Variants in FAM20A observed in about 807,000 individuals in gnomAD.
FAM20A encodes pseudokinase FAM20A.
FAM20A carries 42 observed loss-of-function variants against 52.0 expected under a neutral mutation model. That is an observed-to-expected ratio of 0.81 (90% CI 0.63 to 1.04). The LOEUF (loss-of-function observed/expected upper bound fraction) is 1.04. FAM20A is among the 50% of genes least tolerant of loss of function. FAM20A has a pLI of 0.00. For synonymous variants in FAM20A, 304 were observed against 298.9 expected (o/e 1.02, Z -0.18); for missense variants, 742 against 712.7 (o/e 1.04, Z -0.47).
At chr17:68,578,535 G>C (rs1305914409) in intron 1 of FAM20A, among the ~76,000 whole-genome samples, 1 of 152,136 alleles carries the variant, frequency 6.6e-6, no homozygotes, top group Non-Finnish European at 1.5e-5. Context: ...AATTTATTGA[G>C]ATATTAATGT....
rs2086084134 is a variant in FAM20A, at chr17:68,535,899, G to T, written c.*1578C>A. 1 of 453,888 alleles carries T rather than the reference G, an allele frequency of 2.2e-6. No homozygotes were observed. The highest frequency in any genetic ancestry group is 2.4e-5 in the Admixed American group (1 of 42,538). The allele number at this position is 453,888 out of a possible 1,614,324, so 28.1% of individuals were successfully genotyped here. A position where few individuals can be genotyped will look rare whatever the true frequency, so the allele number is the denominator to read the frequency against. On this transcript the variant is annotated 3_prime_UTR_variant, in exon 11 of 11. Coordinates refer to ENST00000592554, the MANE Select transcript of FAM20A (RefSeq NM_017565.4). ...CAGTGAAAAGAAGACTTTGGAATAGGTCTAAACCACTAAATTGTGTGATTT... is the reference window on the plus strand; with the variant it reads ...CAGTGAAAAGAAGACTTTGGAATAGTTCTAAACCACTAAATTGTGTGATTT...
intron 3 of FAM20A, 90 bp from the exon 4 acceptor site, chr17:68,552,041 G>A (rs542922226): frequency 2.1e-5 from 17 of 815,712 alleles, no homozygotes; most frequent in Admixed American, 4.0e-5. Flanking sequence ...AGCTGACTTC[G>A]CTTTCCTCTT....
Position 68,535,604 on chromosome 17 carries a change from G to A in FAM20A, c.*1873C>T. The A allele has an allele frequency of 4.4e-6, 2 of 454,034 alleles. No homozygotes were observed. The highest frequency in any genetic ancestry group is 4.4e-6 in the Non-Finnish European group (1 of 226,768). 28.1% of individuals were successfully genotyped at this position (454,034 alleles called of 1,614,324 possible). A position where few individuals can be genotyped will look rare whatever the true frequency, so the allele number is the denominator to read the frequency against. ...GTGGGGAGCCCTATGCTGCAGTAGG[G>A]CCACAACAGTTAAGGAAATCTTTGG... On this transcript the variant is annotated 3_prime_UTR_variant, in exon 11 of 11. Coordinates refer to ENST00000592554, the MANE Select transcript of FAM20A (RefSeq NM_017565.4).
Position 68,535,211 on chromosome 17 carries a change from A to T in FAM20A, c.*2266T>A, listed in dbSNP as rs1372017944. The T allele has an allele frequency of 2.2e-6, 1 of 448,340 alleles. No homozygotes were observed. The allele number at this position is 448,340 out of a possible 1,614,324, so 27.8% of individuals were successfully genotyped here. A position where few individuals can be genotyped will look rare whatever the true frequency, so the allele number is the denominator to read the frequency against. Reference sequence around the variant, plus strand: ...TAAGAATGAAACGGTTGGTTTTCTGATATTTTTGAGAAATGAGTCTTAATT... The same window carrying T: ...TAAGAATGAAACGGTTGGTTTTCTGTTATTTTTGAGAAATGAGTCTTAATT... On this transcript the variant is annotated 3_prime_UTR_variant, in exon 11 of 11. Coordinates refer to ENST00000592554, the MANE Select transcript of FAM20A (RefSeq NM_017565.4).
chr17:68,578,426 G>C (rs928935694), intron 1 of FAM20A, among the ~76,000 whole-genome samples: 1 of 152,176 alleles, frequency 6.6e-6, no homozygotes, highest in East Asian at 1.9e-4. Flanking sequence ...GCTAATTTGC[G>C]TGGTATTATT....
intron 1 of FAM20A, among the ~76,000 whole-genome samples, chr17:68,573,782 G>A (rs1598054509): frequency 2.0e-5 from 3 of 151,946 alleles, no homozygotes; most frequent in African/African-American, 4.8e-5. Flanking sequence ...GGGTTGAAGT[G>A]ATTCAGCCTC....
chr17:68,591,175 C>T lies in FAM20A; in HGVS notation c.404+9088G>A, dbSNP rs549037510. Among the ~76,000 whole-genome samples the T allele has an allele frequency of 2.6e-5, 4 of 152,240 alleles. No homozygotes were observed. The South Asian group carries it at 8.3e-4, about 32-fold the overall frequency. ...AGGCTGGAGTGCAGTGGCGCGATCT[C>T]GGCTAACTGCAAGCTCCACCTCCTG... On this transcript the variant is annotated intron_variant, in intron 1 of 10. Transcript: ENST00000592554.
Position 68,539,334 on chromosome 17 carries a change from T to G in FAM20A, c.1361+3A>C. On this transcript the variant is annotated splice_donor_region_variant and intron_variant, in intron 10 of 10. Transcript: ENST00000592554. ...CCGTATTATCTGCTGCAGGAAAACT[T>G]ACATGCAGCACTGGGAGAGAGGCGA... The G allele has an allele frequency of 1.2e-6, 2 of 1,614,196 alleles. No homozygotes were observed. Among genetic ancestry groups the G allele is most frequent in the Non-Finnish European group, 1.7e-6 (2 of 1,179,992 alleles).
At chr17:68,552,084 C>G in intron 3 of FAM20A, 133 bp from the exon 4 acceptor site, 1 of 689,562 alleles carries the variant, frequency 1.5e-6, no homozygotes, top group Admixed American at 2.0e-5. Flanking sequence ...AGGATGTGCT[C>G]TCCATAGCCT....
chr17:68,598,615 GT>G (rs955714671), intron 1 of FAM20A, among the ~76,000 whole-genome samples: 12 of 151,932 alleles, frequency 7.9e-5, no homozygotes, highest in African/African-American at 2.7e-4. Flanking sequence ...GTTTTTGCGA[GT>G]TTTTTTTGTC....
intron 1 of FAM20A, among the ~76,000 whole-genome samples, chr17:68,588,680 C>A (rs2088224287): frequency 6.6e-6 from 1 of 152,152 alleles, no homozygotes; most frequent in Non-Finnish European, 1.5e-5. Flanking sequence ...TATGAGGACA[C>A]CAATCATATT....
intron 1 of FAM20A, chr17:68,558,444 T>C: frequency 2.8e-6 from 1 of 363,222 alleles, no homozygotes. Flanking sequence ...GGGTCCCTCA[T>C]GAATGGCTTA....
chr17:68,563,228 A>G (rs1410084200), intron 1 of FAM20A, among the ~76,000 whole-genome samples: 1 of 152,040 alleles, frequency 6.6e-6, no homozygotes, highest in Non-Finnish European at 1.5e-5. Context: ...TCTACTAAAA[A>G]TACAAAAATT....
At chr17:68,580,183 C>T (rs1462920301) in intron 1 of FAM20A, among the ~76,000 whole-genome samples, 1 of 152,306 alleles carries the variant, frequency 6.6e-6, no homozygotes, top group Admixed American at 6.5e-5. Flanking sequence ...TCTGCTCTTC[C>T]ACAGTGGCTG....
intron 1 of FAM20A, among the ~76,000 whole-genome samples, chr17:68,559,093 A>C (rs1212354994): frequency 6.6e-6 from 1 of 152,164 alleles, no homozygotes; most frequent in Non-Finnish European, 1.5e-5. Flanking sequence ...ACGGCCTGAA[A>C]CATTATCCCA....
intron 1 of FAM20A, among the ~76,000 whole-genome samples, chr17:68,579,346 G>A (rs899277331): frequency 5.3e-5 from 8 of 152,006 alleles, no homozygotes; most frequent in Non-Finnish European, 1.5e-5. Flanking sequence ...ATGGACTATG[G>A]GTCCTCCTCA....
At position 68,540,633 on chromosome 17, in the gene FAM20A, A is replaced by G. The variant is rs1209735593; in HGVS notation, c.1219+216T>C. 17 of 659,798 alleles carry G rather than the reference A, an allele frequency of 2.6e-5. No individual in the cohort carries two copies. The Admixed American group carries it at 3.3e-4, about 13-fold the overall frequency. The allele number at this position is 659,798 out of a possible 1,614,324, so 40.9% of individuals were successfully genotyped here. On this transcript the variant is annotated intron_variant, in intron 8 of 10. Transcript: ENST00000592554. ...CGTGGCAGGGTGAGATGCCTGCCTT[A>G]TGAGTGACGACCCCTTGAGCTTCTT...
chr17:68,540,534 C>T (rs1301341085), intron 8 of FAM20A: 1 of 497,586 alleles, frequency 2.0e-6, no homozygotes, highest in South Asian at 1.5e-5. Context: ...TGTGTACTTT[C>T]TTCCCTTCCT....
chr17:68,539,556 A>G (rs1262749922), intron 9 of FAM20A, among the ~76,000 whole-genome samples, 160 bp from the exon 10 acceptor site: 1 of 152,202 alleles, frequency 6.6e-6, no homozygotes, highest in Non-Finnish European at 1.5e-5. Context: ...TCAGATCACA[A>G]AAGCATCTGT....
Sources: gnomAD v4.1 joint callset for allele counts (sites outside exome capture counted in the v4.1 genomes callset) on GRCh38, gnomAD v4.1.1 for gene constraint, MANE v1.5 for transcripts, NCBI Gene and HGNC (gene_info 2026-07-23, HGNC 2026-07-21) for gene names.